PALM2AKAP2: variants seen among roughly 807,000 people sequenced by gnomAD.
PALM2AKAP2 encodes PALM2 and AKAP2 fusion, also known as PALM2-AKAP2 fusion protein.
In PALM2AKAP2, 37 loss-of-function variants were observed where a neutral mutation model predicts 71.5. The ratio of observed to expected loss-of-function variants is 0.52; its 90% CI spans 0.40 to 0.68. The LOEUF (loss-of-function observed/expected upper bound fraction) is 0.68, where lower values mean the gene tolerates loss of function less well. Among genes scored for constraint, PALM2AKAP2 ranks in the 30% least tolerant of loss-of-function variants. The pLI is 0.00. For missense variants in PALM2AKAP2, 1,224 were observed against 1,191.8 expected (o/e 1.03, Z -0.40); for synonymous variants, 468 against 478.8 (o/e 0.98, Z 0.29).
At chr9:109,906,829 A>G (rs1830456696) in intron 3 of PALM2AKAP2, among the ~76,000 whole-genome samples, 1 of 152,204 alleles carries the variant, frequency 6.6e-6, no homozygotes, top group Non-Finnish European at 1.5e-5. Context: ...ACAGACAAAC[A>G]AGAAACTCAA....
intron 1 of PALM2AKAP2, among the ~76,000 whole-genome samples, chr9:110,134,221 G>C (rs1351166197): frequency 6.6e-6 from 1 of 152,028 alleles, no homozygotes; most frequent in Admixed American, 6.6e-5. Flanking sequence ...CAAGGTTGCA[G>C]TGAGCTATGA....
intron 6 of PALM2AKAP2, among the ~76,000 whole-genome samples, chr9:109,960,294 T>A (rs1831829610): frequency 6.6e-6 from 1 of 152,196 alleles, no homozygotes; most frequent in African/African-American, 2.4e-5. Flanking sequence ...AGCCCTCCTC[T>A]GCACACTGCA....
intron 1 of PALM2AKAP2, among the ~76,000 whole-genome samples, chr9:109,785,798 G>T (rs996651607): frequency 3.9e-5 from 6 of 152,276 alleles, no homozygotes; most frequent in Admixed American, 3.3e-4. Context: ...CAGCAAAACC[G>T]TATCACTTGT....
intron 6 of PALM2AKAP2, among the ~76,000 whole-genome samples, chr9:109,959,440 C>G (rs958183099): frequency 6.6e-6 from 1 of 151,842 alleles, no homozygotes; most frequent in Non-Finnish European, 1.5e-5. Flanking sequence ...CTCAGGAGAT[C>G]GAGACCATCC....
At chr9:109,644,764 C>T (rs1465699455) in intron 1 of PALM2AKAP2, among the ~76,000 whole-genome samples, 5 of 152,158 alleles carry the variant, frequency 3.3e-5, no homozygotes, top group Non-Finnish European at 7.3e-5. Context: ...CCACAAATCT[C>T]TAGGGCAAGG....
intron 3 of PALM2AKAP2, among the ~76,000 whole-genome samples, chr9:110,165,393 C>A (rs1404295111): frequency 6.6e-6 from 1 of 151,606 alleles, no homozygotes; most frequent in African/African-American, 2.4e-5. Context: ...TTCTGAAGAC[C>A]AGTTGTGGTG....
chr9:110,149,188 C>T (rs1428331572), intron 2 of PALM2AKAP2, among the ~76,000 whole-genome samples: 1 of 152,246 alleles, frequency 6.6e-6, no homozygotes, highest in African/African-American at 2.4e-5. Flanking sequence ...CTTTCCCACT[C>T]ATGATGGGAC....
In PALM2AKAP2 at chr9:109,910,534, A is replaced by G. The variant is rs144649984; in HGVS notation, c.258-13201A>G. On this transcript the variant is annotated intron_variant, in intron 3 of 9. Coordinates refer to the PALM2AKAP2 transcript ENST00000302798. ...AGTAGGAGAAGAGGTGCCCATATGG[A>G]GAACATGGCGTCATGGTCTCTTCAT... is the stretch of plus-strand genomic sequence containing the variant. 1.3e-4 allele frequency among the ~76,000 whole-genome samples: 20 copies of G among 152,354 alleles called. No homozygotes were observed. The East Asian group carries it at 2.3e-3, about 18-fold the overall frequency.
At chr9:109,931,863 G>A (rs1301610978) in intron 5 of PALM2AKAP2, 64 bp from the exon 6 acceptor site, 11 of 1,559,478 alleles carry the variant, frequency 7.1e-6, no homozygotes, top group East Asian at 2.3e-5. Flanking sequence ...CTGCTGTCTC[G>A]GCAGTGAACC....
At chr9:109,661,844 A>G (rs1181609039) in intron 1 of PALM2AKAP2, among the ~76,000 whole-genome samples, 3 of 152,062 alleles carry the variant, frequency 2.0e-5, no homozygotes, top group Non-Finnish European at 4.4e-5. Flanking sequence ...TATTTTGTTG[A>G]GCAGTGGTTT....
At chr9:110,100,653 T>G (rs1048381124) in intron 1 of PALM2AKAP2, among the ~76,000 whole-genome samples, 7 of 152,168 alleles carry the variant, frequency 4.6e-5, no homozygotes, top group African/African-American at 2.4e-5. Context: ...CAACCCCAAA[T>G]TATTCTCCGA....
intron 1 of PALM2AKAP2, among the ~76,000 whole-genome samples, chr9:109,691,667 A>T (rs189506673): frequency 1.1e-3 from 169 of 149,644 alleles, no homozygotes; most frequent in African/African-American, 3.9e-3. Flanking sequence ...GTTTCCCCCA[A>T]CCCCTCCTTC....
chr9:109,742,941 C>T (rs1462693442), intron 1 of PALM2AKAP2, among the ~76,000 whole-genome samples: 1 of 152,170 alleles, frequency 6.6e-6, no homozygotes, highest in Middle Eastern at 3.2e-3. Context: ...ACCCAGGAGC[C>T]ACCTCCCTGA....
At chr9:109,806,383 T>C (rs76995335) in intron 1 of PALM2AKAP2, among the ~76,000 whole-genome samples, 2,235 of 152,348 alleles carry the variant, frequency 0.015, 58 homozygotes, top group African/African-American at 0.051. Flanking sequence ...ACATTTTCTA[T>C]GTTATAGATA....
intron 3 of PALM2AKAP2, among the ~76,000 whole-genome samples, chr9:109,923,187 G>A (rs953317355): frequency 6.6e-6 from 1 of 152,152 alleles, no homozygotes; most frequent in African/African-American, 2.4e-5. Flanking sequence ...AAAGGCAGGG[G>A]CAGTTGCATC....
intron 3 of PALM2AKAP2, among the ~76,000 whole-genome samples, chr9:110,165,875 G>A (rs1836721979): frequency 6.6e-6 from 1 of 152,210 alleles, no homozygotes; most frequent in Admixed American, 6.5e-5. Context: ...CTAAAGAGCA[G>A]AGCAAACTCA....
chr9:109,766,941 G>A (rs536847770), intron 1 of PALM2AKAP2, among the ~76,000 whole-genome samples: 158 of 152,224 alleles, frequency 1.0e-3, no homozygotes, highest in African/African-American at 3.6e-3. Context: ...CACTGTCCCC[G>A]ACTCCATTTG....
chr9:109,728,015 C>T (rs1023005), intron 1 of PALM2AKAP2, among the ~76,000 whole-genome samples: 39,845 of 152,118 alleles, frequency 0.26, 5,440 homozygotes, highest in East Asian at 0.37. Context: ...CAAATACACA[C>T]GAGAGTGTCA....
intron 3 of PALM2AKAP2, among the ~76,000 whole-genome samples, chr9:109,908,808 G>GCGCACACA (rs1454551204): frequency 2.7e-5 from 4 of 150,116 alleles, no homozygotes; most frequent in Admixed American, 6.6e-5. Flanking sequence ...GGATGCGTGT[G>GCGCACACA]CACACACACA....
Sources: gnomAD v4.1 joint callset for allele counts (sites outside exome capture counted in the v4.1 genomes callset) on GRCh38, gnomAD v4.1.1 for gene constraint, MANE v1.5 for transcripts, NCBI Gene and HGNC (gene_info 2026-07-23, HGNC 2026-07-21) for gene names.